Variants in ADK observed in about 807,000 individuals in gnomAD.
The protein encoded by ADK is N6,N6-dimethyladenosine kinase.
A neutral mutation model predicts 44.7 loss-of-function variants in ADK; 24 were observed. The observed-to-expected ratio is 0.54, with a 90% CI of 0.39 to 0.76. ADK has a LOEUF of 0.76. Among genes scored for constraint, ADK ranks in the 30% least tolerant of loss-of-function variants. The pLI, the probability that ADK is intolerant of heterozygous loss-of-function variation, is 0.00. For missense variants in ADK, 321 were observed against 425.1 expected, an observed-to-expected ratio of 0.76 and a Z score of 2.15; for synonymous variants, 128 against 142.6, an observed-to-expected ratio of 0.90 and a Z score of 0.73.
chr10:74,329,671 A>G (rs1462500702), intron 4 of ADK, among the ~76,000 whole-genome samples: 1 of 152,218 alleles, frequency 6.6e-6, no homozygotes, highest in African/African-American at 2.4e-5. Flanking sequence ...TGCAGGTGGC[A>G]TGTATTTTAA....
intron 6 of ADK, among the ~76,000 whole-genome samples, chr10:74,434,858 G>GT (rs1360280335): frequency 3.9e-5 from 6 of 152,260 alleles, no homozygotes; most frequent in Admixed American, 1.3e-4. Flanking sequence ...CAACATCCTG[G>GT]TGCACGATCA....
rs188934023 is a variant in ADK, at chr10:74,471,273, A to C, written c.556-53983A>C. Among the ~76,000 whole-genome samples the C allele has an allele frequency of 9.2e-5, 14 of 151,950 alleles. No individual in the cohort carries two copies. In the East Asian group the frequency reaches 1.7e-3, roughly 19 times the overall value. ...CAGTTTTTAGTAGAGACTGGGTTTC[A>C]CCATGTTAGCCAGGATGGTCTCGAT... On this transcript the variant is annotated intron_variant, in intron 6 of 10. Transcript: ENST00000539909.
chr10:74,418,493 G>A (rs1309935646), intron 6 of ADK, among the ~76,000 whole-genome samples: 1 of 152,166 alleles, frequency 6.6e-6, no homozygotes, highest in East Asian at 1.9e-4. Flanking sequence ...GTGGCAGTCT[G>A]TTGCTAGGAA....
intron 6 of ADK, among the ~76,000 whole-genome samples, chr10:74,494,854 C>A (rs566656281): frequency 1.3e-5 from 2 of 152,060 alleles, no homozygotes; most frequent in East Asian, 3.9e-4. Context: ...TCACATCCTT[C>A]ATTAACTTTC....
intron 9 of ADK, among the ~76,000 whole-genome samples, chr10:74,609,708 T>G (rs1406878422): frequency 6.6e-6 from 1 of 152,164 alleles, no homozygotes; most frequent in Admixed American, 6.6e-5. Context: ...CACCCAAACC[T>G]ATTTTTAAAT....
intron 6 of ADK, among the ~76,000 whole-genome samples, chr10:74,432,303 G>A (rs1845028996): frequency 1.3e-5 from 2 of 152,078 alleles, no homozygotes; most frequent in African/African-American, 4.8e-5. Context: ...TATTCAGACA[G>A]GCCATATTCC....
At chr10:74,302,127 T>TG (rs1840074066) in intron 3 of ADK, among the ~76,000 whole-genome samples, 8 of 99,650 alleles carry the variant, frequency 8.0e-5, no homozygotes, top group South Asian at 3.6e-4. Flanking sequence ...TTTTTTTTTT[T>TG]TTTTTTTTTT....
chr10:74,233,278 T>C (rs1844845570), intron 3 of ADK, among the ~76,000 whole-genome samples: 1 of 152,172 alleles, frequency 6.6e-6, no homozygotes, highest in Non-Finnish European at 1.5e-5. Flanking sequence ...TTGATGTAGG[T>C]TAATGAATTG....
At chr10:74,295,999 C>T (rs1160176866) in intron 3 of ADK, among the ~76,000 whole-genome samples, 5 of 150,620 alleles carry the variant, frequency 3.3e-5, no homozygotes, top group African/African-American at 1.2e-4. Flanking sequence ...TTTCAAAGAA[C>T]TAACTTTGGC....
At chr10:74,611,198 G>T (rs1421921216) in intron 9 of ADK, among the ~76,000 whole-genome samples, 1 of 151,710 alleles carries the variant, frequency 6.6e-6, no homozygotes, top group East Asian at 1.9e-4. Flanking sequence ...TAATTTTTTT[G>T]TATTTTTTCT....
At chr10:74,437,910 C>T (rs1310834426) in intron 6 of ADK, among the ~76,000 whole-genome samples, 1 of 152,118 alleles carries the variant, frequency 6.6e-6, no homozygotes, top group Non-Finnish European at 1.5e-5. Context: ...AACAACCAAG[C>T]CCTTTTCCTT....
At chr10:74,557,763 G>A (rs1368548258) in intron 7 of ADK, among the ~76,000 whole-genome samples, 1 of 152,100 alleles carries the variant, frequency 6.6e-6, no homozygotes, top group Non-Finnish European at 1.5e-5. Context: ...GAAGTTACAG[G>A]CAAAATTGTT....
At position 74,532,129 on chromosome 10, in the gene ADK, T is replaced by A. The variant is rs1438130789; in HGVS notation, c.726+6703T>A. ...TTTGAAATCCATCAATGTAATTAAA[T>A]ATGTTAAGACTAAAAAGAAAAATCA... On this transcript the variant is annotated intron_variant, in intron 7 of 10. Coordinates refer to ENST00000539909, the MANE Select transcript of ADK (RefSeq NM_006721.4). Among the ~76,000 whole-genome samples, 6 of 152,292 alleles carry A rather than the reference T, an allele frequency of 3.9e-5. No individual in the cohort carries two copies. In the East Asian group the frequency reaches 7.7e-4, roughly 20 times the overall value.
intron 9 of ADK, among the ~76,000 whole-genome samples, chr10:74,638,234 G>A (rs2134088321): frequency 6.6e-6 from 1 of 152,238 alleles, no homozygotes. Flanking sequence ...GGTTTCTATG[G>A]ACTGAATGTT....
At chr10:74,492,964 G>T (rs1847541176) in intron 6 of ADK, among the ~76,000 whole-genome samples, 1 of 152,040 alleles carries the variant, frequency 6.6e-6, no homozygotes, top group Non-Finnish European at 1.5e-5. Context: ...CTCATTACAT[G>T]TTCACATGCT....
At chr10:74,265,219 A>ATT (rs778762194) in intron 3 of ADK, among the ~76,000 whole-genome samples, 8 of 144,502 alleles carry the variant, frequency 5.5e-5, no homozygotes, top group Non-Finnish European at 9.2e-5. Context: ...AAATACTACA[A>ATT]TTTTTTTTTT....
chr10:74,201,512 AGTT>A (rs1446128897), intron 2 of ADK, among the ~76,000 whole-genome samples: 1 of 152,116 alleles, frequency 6.6e-6, no homozygotes, highest in Non-Finnish European at 1.5e-5. Context: ...ATATTTTAAT[AGTT>A]GTTCTATTTT....
chr10:74,670,453 A>G (rs1434319097), intron 10 of ADK, among the ~76,000 whole-genome samples, 184 bp downstream of exon 10: 2 of 152,344 alleles, frequency 1.3e-5, no homozygotes, highest in East Asian at 3.9e-4. Context: ...GAGGAAAAAT[A>G]TGTGTTTGGA....
chr10:74,383,843 C>T (rs1843055701), intron 4 of ADK, among the ~76,000 whole-genome samples: 1 of 152,128 alleles, frequency 6.6e-6, no homozygotes, highest in African/African-American at 2.4e-5. Context: ...AGTAAACATC[C>T]TCTCACATGG....
Sources: gnomAD v4.1 joint callset for allele counts (sites outside exome capture counted in the v4.1 genomes callset) on GRCh38, gnomAD v4.1.1 for gene constraint, MANE v1.5 for transcripts, NCBI Gene and HGNC (gene_info 2026-07-23, HGNC 2026-07-21) for gene names.